Variants in MAN2B2 observed in about 807,000 individuals in gnomAD.
MAN2B2 encodes epididymis-specific alpha-mannosidase.
Under a neutral mutation model 117.1 loss-of-function variants are expected in MAN2B2, and 106 were observed. That is an observed-to-expected ratio of 0.90 (90% CI 0.77 to 1.06). The LOEUF (loss-of-function observed/expected upper bound fraction) is 1.06. Among genes scored for constraint, MAN2B2 ranks in the 50% least tolerant of loss-of-function variants. MAN2B2 has a pLI of 0.00. For synonymous variants in MAN2B2, 544 were observed against 595.1 expected (o/e 0.91, Z 1.25); for missense variants, 1,326 against 1,381.4 (o/e 0.96, Z 0.64).
chr4:6,587,214 C>A lies in MAN2B2; in HGVS notation c.564+46C>A, dbSNP rs749567040. Reference sequence around the variant, plus strand: ...GCTGCCGCCCAGCGACCGCTCCTCCCTTCCTTCCTTGAATCAGAGCACGGT... The same window carrying A: ...GCTGCCGCCCAGCGACCGCTCCTCCATTCCTTCCTTGAATCAGAGCACGGT... On this transcript the variant is annotated intron_variant, in intron 4 of 18. Coordinates refer to ENST00000285599, the MANE Select transcript of MAN2B2 (RefSeq NM_015274.3). The A allele has an allele frequency of 1.9e-6, 3 of 1,589,970 alleles. No individual in the cohort carries two copies. In the South Asian group the frequency reaches 3.4e-5, roughly 18 times the overall value.
intron 6 of MAN2B2, 138 bp downstream of exon 6, chr4:6,593,488 C>T (rs544435429): frequency 7.3e-6 from 6 of 820,282 alleles, no homozygotes; most frequent in Admixed American, 3.7e-5. Context: ...ATCCTCCTTC[C>T]CTGCAGACCC....
At chr4:6,602,831 T>G (rs960708214) in intron 10 of MAN2B2, among the ~76,000 whole-genome samples, 1 of 152,026 alleles carries the variant, frequency 6.6e-6, no homozygotes, top group Non-Finnish European at 1.5e-5. Flanking sequence ...CCACCATACA[T>G]GGCTAATTTT....
chr4:6,586,245 G>A (rs183111536), intron 3 of MAN2B2, among the ~76,000 whole-genome samples: 2 of 151,992 alleles, frequency 1.3e-5, no homozygotes, highest in Non-Finnish European at 2.9e-5. Context: ...TGCATGTGTA[G>A]AGATGGGGTC....
At chr4:6,576,092 TGGG>T (rs1726048410) in intron 1 of MAN2B2, among the ~76,000 whole-genome samples, 1 of 152,122 alleles carries the variant, frequency 6.6e-6, no homozygotes, top group African/African-American at 2.4e-5. Flanking sequence ...CTCCCAGCCT[TGGG>T]GAGGCAGACG....
rs1727119964 is a variant in MAN2B2, at chr4:6,597,004, T to C, written c.1058-109T>C. Reference sequence around the variant, plus strand: ...CCCGGCCTGCCTCCTTGGGTGACCCTGGCAGAGGCTGCCTCTGCAGCCCCA... The same window carrying C: ...CCCGGCCTGCCTCCTTGGGTGACCCCGGCAGAGGCTGCCTCTGCAGCCCCA... On this transcript the variant is annotated intron_variant, in intron 7 of 18. Coordinates refer to ENST00000285599, the MANE Select transcript of MAN2B2 (RefSeq NM_015274.3). 3 of 1,122,926 alleles carry C rather than the reference T, an allele frequency of 2.7e-6. No individual in the cohort carries two copies. In the African/African-American group the frequency reaches 4.8e-5, roughly 18 times the overall value. 69.6% of individuals were successfully genotyped at this position (1,122,926 alleles called of 1,614,324 possible). A position where few individuals can be genotyped will look rare whatever the true frequency, so the allele number is the denominator to read the frequency against.
chr4:6,586,721 A>G (rs1269839191), intron 3 of MAN2B2, among the ~76,000 whole-genome samples: 2 of 152,178 alleles, frequency 1.3e-5, no homozygotes, highest in African/African-American at 2.4e-5. Flanking sequence ...CTGGAAAGGG[A>G]TGGTGGTGGT....
Position 6,575,368 on chromosome 4 carries a change from C to T in MAN2B2, c.138+20C>T. 6.7e-7 allele frequency: 1 copy of T among 1,485,164 alleles called. No individual in the cohort carries two copies. The highest frequency in any genetic ancestry group is 9.0e-7 in the Non-Finnish European group (1 of 1,112,766). 92.0% of individuals were successfully genotyped at this position (1,485,164 alleles called of 1,614,324 possible). On this transcript the variant is annotated intron_variant, in intron 1 of 18. Coordinates refer to ENST00000285599, the MANE Select transcript of MAN2B2 (RefSeq NM_015274.3). ...GTGCAGGTAGGTGCCGACCACGCCC[C>T]GCGCGCCCCTGAGGCTGCAGCTTCC...
At chr4:6,586,052 G>GTTTTTTTTTTTTT (rs1560639815) in intron 3 of MAN2B2, among the ~76,000 whole-genome samples, 11 of 149,286 alleles carry the variant, frequency 7.4e-5, no homozygotes, top group African/African-American at 2.7e-4. Context: ...CTTTTCTTGT[G>GTTTTTTTTTTTTT]GTTTTTTTTT....
chr4:6,584,993 G>C, intron 3 of MAN2B2, among the ~76,000 whole-genome samples: 1 of 152,202 alleles, frequency 6.6e-6, no homozygotes, highest in East Asian at 1.9e-4. Context: ...CTCTCAGTGC[G>C]GTGCTGTTGC....
At chr4:6,604,866 A>T (rs932310505) in intron 10 of MAN2B2, among the ~76,000 whole-genome samples, 189 bp from the exon 11 acceptor site, 23 of 152,050 alleles carry the variant, frequency 1.5e-4, no homozygotes, top group Admixed American at 3.9e-4. Context: ...CAGGTCGCTG[A>T]AGGGTTCTCC....
intron 17 of MAN2B2, chr4:6,618,727 G>C (rs147599023): frequency 1.3e-5 from 2 of 152,298 alleles, no homozygotes; most frequent in Non-Finnish European, 2.9e-5. Flanking sequence ...TTCATTTCCT[G>C]CTCATGGAGA....
intron 13 of MAN2B2, 116 bp downstream of exon 13, chr4:6,610,166 C>CT (rs1277597356): frequency 7.7e-5 from 111 of 1,434,246 alleles, no homozygotes; most frequent in African/African-American, 1.6e-4. Context: ...TGTTTTTTTC[C>CT]TTTTTTTTAA....
intron 15 of MAN2B2, among the ~76,000 whole-genome samples, chr4:6,612,440 C>T (rs879092884): frequency 4.6e-5 from 7 of 152,326 alleles, no homozygotes; most frequent in East Asian, 3.9e-4. Context: ...TTGGAAGTAA[C>T]AGAGCCTGAA....
intron 10 of MAN2B2, among the ~76,000 whole-genome samples, chr4:6,603,170 G>A (rs1418056175): frequency 6.6e-6 from 1 of 152,162 alleles, no homozygotes; most frequent in Non-Finnish European, 1.5e-5. Flanking sequence ...TTAGGTATGG[G>A]GCTGGACTGC....
chr4:6,621,298 T>C lies in MAN2B2; in HGVS notation c.*13T>C, dbSNP rs761920187. 7 of 1,607,510 alleles carry C rather than the reference T, an allele frequency of 4.4e-6. No homozygotes were observed. The highest frequency in any genetic ancestry group is 4.0e-5 in the African/African-American group (3 of 74,756). On this transcript the variant is annotated 3_prime_UTR_variant, in exon 19 of 19. Transcript: ENST00000285599. ...TCAACAGCAGTGAGCCCTGGGCAGA[T>C]GCCCCGGCCCCAGGGCTTCCCCCAG... is the stretch of plus-strand genomic sequence containing the variant.
At chr4:6,590,873 G>C (rs1360809905) in intron 5 of MAN2B2, among the ~76,000 whole-genome samples, 1 of 152,202 alleles carries the variant, frequency 6.6e-6, no homozygotes, top group African/African-American at 2.4e-5. Context: ...AGGAGGCCAG[G>C]CGCAGTGGCT....
In MAN2B2 at chr4:6,609,278, G is replaced by A; in HGVS notation, c.1986G>A (p.Glu662=). The part of the protein sequence containing the change: ...MEIVAGQLVT[E]IRQYFYRNMT... ...TTGTGGCGGGACAGCTTGTGACTGAGATCCGGCAGTACTTCTACAGGTGCT... is the reference window on the plus strand; with the variant it reads ...TTGTGGCGGGACAGCTTGTGACTGAAATCCGGCAGTACTTCTACAGGTGCT... Residue 662 remains glutamate, a synonymous_variant, in exon 12 of 19, where the codon GAG becomes GAA. Coordinates refer to ENST00000285599, the MANE Select transcript of MAN2B2 (RefSeq NM_015274.3). The A allele has an allele frequency of 6.2e-7, 1 of 1,614,020 alleles. No homozygotes were observed. Among genetic ancestry groups the A allele is most frequent in the Non-Finnish European group, 8.5e-7 (1 of 1,179,982 alleles).
chr4:6,579,319 T>TCACCATCAC (rs1560635069), intron 3 of MAN2B2, among the ~76,000 whole-genome samples: 357 of 17,220 alleles, frequency 0.021, no homozygotes, highest in East Asian at 0.043. Flanking sequence ...ACCACCACCA[T>TCACCATCAC]CACCACCACC....
Position 6,597,281 on chromosome 4 carries a change from A to G in MAN2B2, c.1226A>G (p.Gln409Arg). The change falls in exon 8 of 19, where the codon CAG becomes CGG. Residue 409 changes from glutamine to arginine, a missense_variant. Physicochemically the swap from Gln to Arg is conservative, Grantham distance 43 (BLOSUM62 1). Coordinates refer to ENST00000285599, the MANE Select transcript of MAN2B2 (RefSeq NM_015274.3). The stretch of plus-strand genomic sequence containing the variant: ...ACCTGGGCCCTGCAGCAGCTCCAGC[A>G]GCTTCGCTGGGCCGTCTCCGAGGTA... ...DPTWALQQLQ[Q>R]LRWAVSEVQH... The G allele has an allele frequency of 6.4e-7, 1 of 1,564,858 alleles. No homozygotes were observed. Among genetic ancestry groups the G allele is most frequent in the Non-Finnish European group, 8.7e-7 (1 of 1,154,916 alleles).
Sources: gnomAD v4.1 joint callset for allele counts (sites outside exome capture counted in the v4.1 genomes callset) on GRCh38, gnomAD v4.1.1 for gene constraint, MANE v1.5 for transcripts, NCBI Gene and HGNC (gene_info 2026-07-23, HGNC 2026-07-21) for gene names.